The following SATL1 variants were observed in gnomAD, a reference collection of about 807,000 sequenced individuals.
The protein encoded by SATL1 is spermidine/spermine N1-acetyl transferase like 1, also known as spermidine/spermine N(1)-acetyltransferase-like protein 1.
Under a neutral mutation model 51.8 loss-of-function variants are expected in SATL1, and 47 were observed. The observed-to-expected ratio is 0.91, with a 90% CI of 0.72 to 1.16. The LOEUF (loss-of-function observed/expected upper bound fraction) is 1.16. Ranked by LOEUF, SATL1 falls within the 50% of genes most tolerant of loss-of-function variation. The pLI, the probability that SATL1 is intolerant of heterozygous loss-of-function variation, is 0.00. For synonymous variants in SATL1, 176 were observed against 182.4 expected (o/e 0.97, Z 0.28); for missense variants, 520 against 526.4 (o/e 0.99, Z 0.12).
Position 85,227,132 on chromosome X carries a change from A to C in SATL1, c.-434-2806T>G, listed in dbSNP as rs193237132. Among the ~76,000 whole-genome samples, 5 of 111,501 alleles carry C rather than the reference A, an allele frequency of 4.5e-5. No individual in the cohort carries two copies. In the East Asian group the frequency reaches 1.4e-3, roughly 32 times the overall value. On this transcript the variant is annotated intron_variant, in intron 1 of 7. Transcript: ENST00000644105. The stretch of plus-strand genomic sequence containing the variant: ...CAACCACACTTATTGGTCTTAGTTA[A>C]ATTCTTGACCACGAACCTCATCTGT...
At position 85,237,755 on chromosome X, in the gene SATL1, T is replaced by C. The variant is rs140185649; in HGVS notation, c.-435+5833A>G. ...AACAGCTTATGCACAGCAAAGGAAA[T>C]AATCAACAAAGTGTACAGACAATTC... On this transcript the variant is annotated intron_variant, in intron 1 of 7. Coordinates refer to ENST00000644105, the MANE Select transcript of SATL1 (RefSeq NM_001367857.2). Among the ~76,000 whole-genome samples the C allele has an allele frequency of 3.7e-3, 415 of 111,137 alleles. 2 individuals carry two copies. Among genetic ancestry groups the C allele is most frequent in the African/African-American group, 0.013 (395 of 30,623 alleles).
At chrX:85,097,062 C>T (rs1361682494) in intron 4 of SATL1, among the ~76,000 whole-genome samples, 1 of 111,550 alleles carries the variant, frequency 9.0e-6, no homozygotes, top group Non-Finnish European at 1.9e-5. Context: ...ACAGTCGACC[C>T]TTGAACAACA....
intron 3 of SATL1, 74 bp downstream of exon 3, chrX:85,107,254 C>A (rs949811333): frequency 1.1e-6 from 1 of 902,955 alleles, no homozygotes. Flanking sequence ...GAATTCGAAC[C>A]CCAACTATGC....
chrX:85,125,519 A>AGTGTGTGTGTGTGT (rs72067285), intron 2 of SATL1, among the ~76,000 whole-genome samples: 46 of 98,626 alleles, frequency 4.7e-4, no homozygotes, highest in African/African-American at 1.7e-3. Context: ...CACATAGGAA[A>AGTGTGTGTGTGTGT]GTGTGTGTGT....
rs1353050310 is a variant in SATL1, at chrX:85,185,579, C to T, written c.-313+38626G>A. On this transcript the variant is annotated intron_variant, in intron 2 of 7. Transcript: ENST00000644105. ...CTACATTCCCTCACTTTTCCTCAAG[C>T]AGAGCAGTCTCTCCCTATGGCTATC... Among the ~76,000 whole-genome samples, 4 of 111,600 alleles carry T rather than the reference C, an allele frequency of 3.6e-5. No homozygotes were observed. In the Admixed American group the frequency reaches 3.8e-4, roughly 11 times the overall value.
Position 85,102,867 on chromosome X carries a change from T to G in SATL1, c.1693+997A>C, listed in dbSNP as rs974823. ...CATCCCTAATCTGAAATCTGAAATG[T>G]TCCAATGAACATTTCCTTTGAGTGT... On this transcript the variant is annotated intron_variant, in intron 4 of 7. Coordinates refer to ENST00000644105, the MANE Select transcript of SATL1 (RefSeq NM_001367857.2). Among the ~76,000 whole-genome samples the G allele has an allele frequency of 6.4e-5, 7 of 109,252 alleles. No individual in the cohort carries two copies. In the East Asian group the frequency reaches 2.0e-3, roughly 32 times the overall value. 94.9% of individuals were successfully genotyped at this position (109,252 alleles called of 115,157 possible). A position where few individuals can be genotyped will look rare whatever the true frequency, so the allele number is the denominator to read the frequency against.
chrX:85,203,471 T>C (rs2147751689), intron 2 of SATL1, among the ~76,000 whole-genome samples: 1 of 110,028 alleles, frequency 9.1e-6, no homozygotes, highest in Admixed American at 9.5e-5. Flanking sequence ...AATGGCTAAG[T>C]CATCCAAACA....
At chrX:85,186,653 C>G (rs1186967455) in intron 2 of SATL1, among the ~76,000 whole-genome samples, 4 of 111,915 alleles carry the variant, frequency 3.6e-5, no homozygotes, top group Non-Finnish European at 7.5e-5. Flanking sequence ...ACTGTGGTCT[C>G]TTTCCCCTAA....
At chrX:85,095,600 G>GT (rs1556383022) in intron 4 of SATL1, among the ~76,000 whole-genome samples, 1 of 106,871 alleles carries the variant, frequency 9.4e-6, no homozygotes, top group African/African-American at 3.4e-5. Context: ...GCCGAGGCGG[G>GT]CGGATCACGA....
intron 1 of SATL1, among the ~76,000 whole-genome samples, chrX:85,236,394 CAAGTTAAT>C (rs1298630206): frequency 2.7e-5 from 3 of 110,927 alleles, no homozygotes; most frequent in Non-Finnish European, 5.7e-5. Context: ...AGTAAGGGTA[CAAGTTAAT>C]AAGTTAATAT....
chrX:85,147,714 G>A (rs934505872), intron 2 of SATL1, among the ~76,000 whole-genome samples: 18 of 112,106 alleles, frequency 1.6e-4, no homozygotes, highest in African/African-American at 5.5e-4. Context: ...GGGAAACAGG[G>A]TCTGGAGTGG....
chrX:85,164,828 G>A (rs372572195), intron 2 of SATL1, among the ~76,000 whole-genome samples: 18 of 108,236 alleles, frequency 1.7e-4, no homozygotes, highest in Admixed American at 3.0e-4. Flanking sequence ...AGGTTCAAGC[G>A]ATTCTCCTGC....
chrX:85,210,523 T>C (rs1927895593), intron 2 of SATL1: 1 of 110,304 alleles, frequency 9.1e-6, no homozygotes, highest in Admixed American at 9.7e-5. Flanking sequence ...AGTCTGTGTT[T>C]AGGTCCCCCA....
intron 2 of SATL1, among the ~76,000 whole-genome samples, chrX:85,152,152 C>T (rs986199010): frequency 1.1e-4 from 12 of 111,512 alleles, no homozygotes; most frequent in African/African-American, 2.6e-4. Context: ...AAAATGTGGG[C>T]GAAGGATATG....
chrX:85,162,199 C>T (rs1484530560), intron 2 of SATL1, among the ~76,000 whole-genome samples: 1 of 111,296 alleles, frequency 9.0e-6, no homozygotes, highest in Non-Finnish European at 1.9e-5. Flanking sequence ...TAAATGCCCA[C>T]GATAAAAAGT....
rs775428639 is a variant in SATL1, at chrX:85,108,602, G to T, written c.367C>A (p.Arg123Ser). Residue 123 changes from arginine to serine, a missense_variant, in exon 3 of 8, where the codon CGC becomes AGC. Coordinates refer to ENST00000644105, the MANE Select transcript of SATL1 (RefSeq NM_001367857.2). ...TGGTTCGTGCCTATTTGCCTCATGCGTGATTGGCTGGGGCCTGATTGGCTT... is the reference window on the plus strand; with the variant it reads ...TGGTTCGTGCCTATTTGCCTCATGCTTGATTGGCTGGGGCCTGATTGGCTT... Reference protein sequence around the residue: ...GPSQSGPSQSRMRQIGTNQSG... With the variant: ...GPSQSGPSQSSMRQIGTNQSG... The T allele has an allele frequency of 8.3e-7, 1 of 1,201,322 alleles. No individual in the cohort carries two copies. The highest frequency in any genetic ancestry group is 1.8e-5 in the African/African-American group (1 of 56,783).
At chrX:85,120,938 T>TAATCTCAGAATAC (rs1925491075) in intron 2 of SATL1, among the ~76,000 whole-genome samples, 1 of 111,400 alleles carries the variant, frequency 9.0e-6, no homozygotes, top group Admixed American at 9.6e-5. Context: ...TCTTGGAGGA[T>TAATCTCAGAATAC]AATCTCAGAA....
chrX:85,213,614 G>A, intron 2 of SATL1, among the ~76,000 whole-genome samples: 1 of 111,507 alleles, frequency 9.0e-6, no homozygotes, highest in Non-Finnish European at 1.9e-5. Context: ...CCAAAAAACC[G>A]CACTGTGAAT....
At chrX:85,178,705 C>T (rs1408752126) in intron 2 of SATL1, among the ~76,000 whole-genome samples, 1 of 109,775 alleles carries the variant, frequency 9.1e-6, no homozygotes, top group Non-Finnish European at 1.9e-5. Context: ...TTTTTCTTTA[C>T]AGAAATCATG....
Sources: allele counts gnomAD v4.1 joint callset (sites outside exome capture counted in the v4.1 genomes callset), GRCh38; gene constraint gnomAD v4.1.1; transcripts MANE v1.5; gene names NCBI Gene and HGNC (gene_info 2026-07-23, HGNC 2026-07-21).